SRGAP1: variants seen among roughly 807,000 people sequenced by gnomAD.
The protein encoded by SRGAP1 is SLIT-ROBO Rho GTPase-activating protein 1.
Under a neutral mutation model 121.9 loss-of-function variants are expected in SRGAP1, and 43 were observed. The observed-to-expected ratio is 0.35, with a 90% CI of 0.28 to 0.46. The LOEUF (loss-of-function observed/expected upper bound fraction) is 0.46. Ranked by LOEUF, SRGAP1 falls within the 20% of genes least tolerant of loss-of-function variation. SRGAP1 has a pLI of 1.00. For missense variants in SRGAP1, 1,102 were observed against 1,350.9 expected (o/e 0.82, Z 2.89); for synonymous variants, 447 against 485.4 (o/e 0.92, Z 1.04).
At chr12:63,878,060 T>C (rs1472259291) in intron 1 of SRGAP1, among the ~76,000 whole-genome samples, 1 of 152,196 alleles carries the variant, frequency 6.6e-6, no homozygotes, top group East Asian at 1.9e-4. Context: ...AGGAAAAATA[T>C]CAAGAATGCA....
At chr12:63,956,601 T>C (rs1026349812) in intron 1 of SRGAP1, among the ~76,000 whole-genome samples, 1 of 152,088 alleles carries the variant, frequency 6.6e-6, no homozygotes, top group Admixed American at 6.5e-5. Context: ...GAAAAACTTT[T>C]AAATATTATC....
At chr12:63,970,850 T>C (rs1431500221) in intron 1 of SRGAP1, among the ~76,000 whole-genome samples, 1 of 152,242 alleles carries the variant, frequency 6.6e-6, no homozygotes, top group Non-Finnish European at 1.5e-5. Flanking sequence ...AGCTATCTTT[T>C]CTAAATGTGC....
chr12:63,977,055 T>C (rs1026056714), intron 1 of SRGAP1, among the ~76,000 whole-genome samples: 7 of 152,288 alleles, frequency 4.6e-5, no homozygotes, highest in African/African-American at 1.7e-4. Context: ...AGCTCACTTT[T>C]ATGGAATTTT....
At chr12:64,053,124 A>T (rs1390086450) in intron 6 of SRGAP1, among the ~76,000 whole-genome samples, 2 of 152,226 alleles carry the variant, frequency 1.3e-5, no homozygotes, top group Non-Finnish European at 2.9e-5. Flanking sequence ...ATTAGAGAGC[A>T]CCTACTGGCT....
intron 1 of SRGAP1, among the ~76,000 whole-genome samples, chr12:63,978,347 G>A (rs573500470): frequency 2.6e-5 from 4 of 152,096 alleles, no homozygotes; most frequent in South Asian, 2.1e-4. Flanking sequence ...AAGAAACTTC[G>A]CACCCCTTAG....
At chr12:63,883,860 A>G (rs1239747619) in intron 1 of SRGAP1, among the ~76,000 whole-genome samples, 24 of 150,058 alleles carry the variant, frequency 1.6e-4, no homozygotes, top group Non-Finnish European at 2.5e-4. Flanking sequence ...GGGTTTCACC[A>G]TGTTAGCCAG....
Position 64,154,374 on chromosome 12 carries a change from A to C in SRGAP1, c.*11702A>C, listed in dbSNP as rs1488302575. The C allele has an allele frequency of 1.3e-5, 2 of 152,196 alleles. No homozygotes were observed. The highest frequency in any genetic ancestry group is 2.9e-5 in the Non-Finnish European group (2 of 68,054). The allele number at this position is 152,196 out of a possible 1,614,324, so 9.4% of individuals were successfully genotyped here. ...GGGGAGGAGCTTGGGAAGGAATGGCATGAGGGAAGTGAGAGACCACAATTA... is the reference window on the plus strand; with the variant it reads ...GGGGAGGAGCTTGGGAAGGAATGGCCTGAGGGAAGTGAGAGACCACAATTA... On this transcript the variant is annotated 3_prime_UTR_variant, in exon 22 of 22. Transcript: ENST00000355086.
At chr12:63,922,305 AATTTG>A (rs950721476) in intron 1 of SRGAP1, among the ~76,000 whole-genome samples, 1 of 152,096 alleles carries the variant, frequency 6.6e-6, no homozygotes, top group African/African-American at 2.4e-5. Context: ...TAATCTATGG[AATTTG>A]ATTTCTAATG....
chr12:64,104,937 A>G (rs1015995528), intron 15 of SRGAP1, among the ~76,000 whole-genome samples: 38 of 152,078 alleles, frequency 2.5e-4, no homozygotes, highest in African/African-American at 9.2e-4. Flanking sequence ...TTACCATGTT[A>G]ACGATTTTTA....
intron 16 of SRGAP1, among the ~76,000 whole-genome samples, chr12:64,109,808 A>C (rs1255568782): frequency 1.3e-5 from 2 of 152,174 alleles, no homozygotes; most frequent in Non-Finnish European, 2.9e-5. Flanking sequence ...TAAAATTCGG[A>C]TATTTTCTTT....
chr12:64,022,194 A>T (rs138834643), intron 4 of SRGAP1, among the ~76,000 whole-genome samples: 2 of 152,274 alleles, frequency 1.3e-5, no homozygotes, highest in African/African-American at 4.8e-5. Context: ...GTGATTTACT[A>T]TAAGGAGTTG....
At chr12:63,913,916 G>T (rs1223442813) in intron 1 of SRGAP1, among the ~76,000 whole-genome samples, 1 of 151,824 alleles carries the variant, frequency 6.6e-6, no homozygotes, top group African/African-American at 2.4e-5. Context: ...CATCGTGAAG[G>T]ATTTACATTT....
intron 1 of SRGAP1, among the ~76,000 whole-genome samples, chr12:63,901,737 C>T (rs180888210): frequency 6.6e-6 from 1 of 152,160 alleles, no homozygotes; most frequent in Non-Finnish European, 1.5e-5. Flanking sequence ...AAGCTAGACT[C>T]TAGCATTTGA....
rs542809583 is a variant in SRGAP1, at chr12:63,878,303, C to G, written c.67+33420C>G. ...TTTCTGTCACAACTTCTCTATTGTA[C>G]CATTGTAGCCAAGACTAGTGGTAGA... On this transcript the variant is annotated intron_variant, in intron 1 of 21. Transcript: ENST00000355086. Among the ~76,000 whole-genome samples, 5 of 152,238 alleles carry G rather than the reference C, an allele frequency of 3.3e-5. No individual in the cohort carries two copies. The South Asian group carries it at 1.0e-3, about 32-fold the overall frequency.
intron 1 of SRGAP1, among the ~76,000 whole-genome samples, chr12:63,913,456 TATATATATATATATATATATGG>T (rs756540822): frequency 3.2e-5 from 3 of 92,906 alleles, no homozygotes; most frequent in Admixed American, 1.1e-4. Context: ...TGTGTCCACA[TATATATATATATATATATATGG>T]ATATATATAT....
chr12:64,054,151 G>T (rs1718760990), intron 6 of SRGAP1, among the ~76,000 whole-genome samples: 1 of 152,122 alleles, frequency 6.6e-6, no homozygotes, highest in African/African-American at 2.4e-5. Flanking sequence ...CAGTTTCATG[G>T]TCTCCAGTTT....
intron 11 of SRGAP1, among the ~76,000 whole-genome samples, chr12:64,090,931 T>C (rs1346225785): frequency 6.6e-6 from 1 of 152,228 alleles, no homozygotes; most frequent in African/African-American, 2.4e-5. Context: ...CGGTTGTATC[T>C]TACTGTGTGA....
At chr12:64,009,666 G>T (rs900860651) in intron 3 of SRGAP1, among the ~76,000 whole-genome samples, 1 of 152,070 alleles carries the variant, frequency 6.6e-6, no homozygotes, top group East Asian at 1.9e-4. Flanking sequence ...GTTAAGTTTT[G>T]TCTTGATTTG....
intron 18 of SRGAP1, among the ~76,000 whole-genome samples, chr12:64,125,391 G>A (rs896923389): frequency 3.3e-5 from 5 of 152,060 alleles, no homozygotes; most frequent in African/African-American, 7.2e-5. Flanking sequence ...GAAAAAAATC[G>A]GGATTACCGT....
Sources: allele counts gnomAD v4.1 joint callset (sites outside exome capture counted in the v4.1 genomes callset), GRCh38; gene constraint gnomAD v4.1.1; transcripts MANE v1.5; gene names NCBI Gene and HGNC (gene_info 2026-07-23, HGNC 2026-07-21).